Variants in AGBL4 observed in about 807,000 individuals in gnomAD.
AGBL4 encodes the protein cytosolic carboxypeptidase 6.
In AGBL4, 58 loss-of-function variants were observed where a neutral mutation model predicts 66.4. The ratio of observed to expected loss-of-function variants is 0.87; its 90% CI spans 0.71 to 1.09. The LOEUF is 1.09. Among genes scored for constraint, AGBL4 ranks in the 50% least tolerant of loss-of-function variants. AGBL4 has a pLI of 0.00. For missense variants in AGBL4, 579 were observed against 631.0 expected, an observed-to-expected ratio of 0.92 and a Z score of 0.88; for synonymous variants, 234 against 222.9, an observed-to-expected ratio of 1.05 and a Z score of -0.44.
At chr1:48,614,387 T>G (rs1384688334) in intron 9 of AGBL4, among the ~76,000 whole-genome samples, 3 of 152,258 alleles carry the variant, frequency 2.0e-5, no homozygotes, top group African/African-American at 7.2e-5. Context: ...ACTTTCCTTC[T>G]GGCTCCAAGG....
chr1:49,858,960 G>A (rs945676142), intron 1 of AGBL4, among the ~76,000 whole-genome samples: 8 of 36,548 alleles, frequency 2.2e-4, no homozygotes, highest in African/African-American at 4.1e-4. Flanking sequence ...AGTTTGCAGC[G>A]AGCTGAGACT....
chr1:49,288,371 AAAAAAGAAAG>A (rs1644465690), intron 3 of AGBL4, among the ~76,000 whole-genome samples: 1 of 152,056 alleles, frequency 6.6e-6, no homozygotes. Context: ...TAATAAAAAA[AAAAAAGAAAG>A]AAAGTACCAG....
chr1:49,706,849 T>C (rs575516999), intron 2 of AGBL4, among the ~76,000 whole-genome samples: 6 of 152,252 alleles, frequency 3.9e-5, no homozygotes, highest in East Asian at 1.9e-4. Flanking sequence ...TGTAGTTGTA[T>C]GGTTTTGAGT....
chr1:49,225,126 C>T (rs1649811224), intron 4 of AGBL4, among the ~76,000 whole-genome samples: 1 of 152,178 alleles, frequency 6.6e-6, no homozygotes, highest in Non-Finnish European at 1.5e-5. Flanking sequence ...CTAGTTTATT[C>T]ATTCAATCAA....
intron 3 of AGBL4, among the ~76,000 whole-genome samples, chr1:49,549,957 G>A (rs893385485): frequency 5.9e-5 from 9 of 152,030 alleles, no homozygotes; most frequent in Non-Finnish European, 1.2e-4. Context: ...ATAAATTTGG[G>A]AGCTCCAGTG....
chr1:49,833,550 G>A (rs1645757300), intron 2 of AGBL4, among the ~76,000 whole-genome samples: 1 of 151,460 alleles, frequency 6.6e-6, no homozygotes, highest in South Asian at 2.1e-4. Flanking sequence ...GTAGCTTGAT[G>A]GGGATGGCAT....
chr1:48,730,308 C>T (rs1647893379), intron 6 of AGBL4, among the ~76,000 whole-genome samples: 1 of 152,180 alleles, frequency 6.6e-6, no homozygotes, highest in Non-Finnish European at 1.5e-5. Context: ...GTGATGAGAA[C>T]TGCTTAGAAG....
At position 49,522,888 on chromosome 1, in the gene AGBL4, G is replaced by A. The variant is rs147599230; in HGVS notation, c.282+174425C>T. On this transcript the variant is annotated intron_variant, in intron 3 of 13. Coordinates refer to ENST00000371839, the MANE Select transcript of AGBL4 (RefSeq NM_032785.4). ...TGATGTACTTCCACCATTAGTGCCAGGCCAGTACATTAGTTTAAACAGTGC... is the reference window on the plus strand; with the variant it reads ...TGATGTACTTCCACCATTAGTGCCAAGCCAGTACATTAGTTTAAACAGTGC... 8.5e-5 allele frequency among the ~76,000 whole-genome samples: 13 copies of A among 152,126 alleles called. 1 individual carries two copies. Among genetic ancestry groups the A allele is most frequent in the Admixed American group, 8.5e-4 (13 of 15,290 alleles).
intron 2 of AGBL4, among the ~76,000 whole-genome samples, chr1:49,723,543 C>G (rs1490516964): frequency 6.6e-6 from 1 of 152,096 alleles, no homozygotes; most frequent in Non-Finnish European, 1.5e-5. Context: ...CAAAGATATA[C>G]AATCTTGGCA....
chr1:49,182,894 G>C (rs1646953746), intron 4 of AGBL4, among the ~76,000 whole-genome samples: 1 of 152,100 alleles, frequency 6.6e-6, no homozygotes, highest in South Asian at 2.1e-4. Context: ...TTTCAAGATT[G>C]AAATACCATA....
intron 2 of AGBL4, among the ~76,000 whole-genome samples, chr1:49,767,583 G>A (rs1250553044): frequency 6.7e-6 from 1 of 149,432 alleles, no homozygotes; most frequent in Non-Finnish European, 1.5e-5. Flanking sequence ...AACATAAGCG[G>A]AAAAAAAAAG....
At chr1:48,824,292 G>A (rs1219364511) in intron 6 of AGBL4, among the ~76,000 whole-genome samples, 2 of 152,168 alleles carry the variant, frequency 1.3e-5, no homozygotes, top group African/African-American at 4.8e-5. Flanking sequence ...ATGTGAGCAT[G>A]GATGAAGAAC....
intron 3 of AGBL4, among the ~76,000 whole-genome samples, chr1:49,422,833 T>C (rs940398986): frequency 4.6e-5 from 7 of 152,200 alleles, no homozygotes; most frequent in African/African-American, 1.4e-4. Flanking sequence ...ATAATTCCTG[T>C]GTTGATTTTT....
chr1:49,938,752 T>C (rs1279280950), intron 1 of AGBL4, among the ~76,000 whole-genome samples: 2 of 152,156 alleles, frequency 1.3e-5, no homozygotes, highest in African/African-American at 4.8e-5. Context: ...AACCACATGA[T>C]TATCTCAATA....
At chr1:49,470,428 T>C (rs1281762399) in intron 3 of AGBL4, among the ~76,000 whole-genome samples, 1 of 152,002 alleles carries the variant, frequency 6.6e-6, no homozygotes, top group Non-Finnish European at 1.5e-5. Flanking sequence ...CTTTGACCTC[T>C]AAACAATAAG....
intron 1 of AGBL4, among the ~76,000 whole-genome samples, chr1:49,950,157 TAC>T (rs759678831): frequency 3.0e-4 from 43 of 144,952 alleles, no homozygotes; most frequent in Admixed American, 5.6e-4. Flanking sequence ...TGTATATATA[TAC>T]ACACATATAT....
At chr1:49,313,959 T>C (rs998411130) in intron 3 of AGBL4, among the ~76,000 whole-genome samples, 4 of 152,202 alleles carry the variant, frequency 2.6e-5, no homozygotes, top group Non-Finnish European at 5.9e-5. Flanking sequence ...ATGTCCTGAA[T>C]GGTGTTGCCT....
chr1:49,006,202 TGCCTCACTCGGGAA>T (rs1282191131), intron 5 of AGBL4, among the ~76,000 whole-genome samples: 6 of 152,106 alleles, frequency 3.9e-5, no homozygotes, highest in Non-Finnish European at 8.8e-5. Context: ...GGTGAGGCAT[TGCCTCACTCGGGAA>T]GCGCAAGGGG....
intron 3 of AGBL4, among the ~76,000 whole-genome samples, chr1:49,421,338 G>T (rs1049416211): frequency 6.8e-6 from 1 of 147,086 alleles, no homozygotes; most frequent in Admixed American, 6.8e-5. Flanking sequence ...TGTCTTCAAA[G>T]AACTTTCAGT....
Sources: allele counts gnomAD v4.1 joint callset (sites outside exome capture counted in the v4.1 genomes callset), GRCh38; gene constraint gnomAD v4.1.1; transcripts MANE v1.5; gene names NCBI Gene and HGNC (gene_info 2026-07-23, HGNC 2026-07-21).